The following RARB variants were observed in gnomAD, a reference collection of about 807,000 sequenced individuals.
The protein encoded by RARB is HBV-activated protein.
Under a neutral mutation model 51.9 loss-of-function variants are expected in RARB, and 17 were observed. The observed-to-expected ratio is 0.33, with a 90% CI of 0.22 to 0.49. RARB has a LOEUF of 0.49. Ranked by LOEUF, RARB falls within the 20% of genes least tolerant of loss-of-function variation. The pLI is 0.99. For missense variants in RARB, 369 were observed against 550.8 expected, an observed-to-expected ratio of 0.67 and a Z score of 3.30; for synonymous variants, 215 against 195.4, an observed-to-expected ratio of 1.10 and a Z score of -0.84.
intron 2 of RARB, among the ~76,000 whole-genome samples, chr3:24,873,055 T>C (rs1702976809): frequency 1.3e-5 from 2 of 152,226 alleles, no homozygotes; most frequent in South Asian, 2.1e-4. Context: ...AAAGCAGTTA[T>C]AGCACAGACA....
chr3:24,852,548 C>G (rs1389964931), intron 1 of RARB, among the ~76,000 whole-genome samples: 1 of 152,014 alleles, frequency 6.6e-6, no homozygotes, highest in Admixed American at 6.5e-5. Flanking sequence ...CACATAAAGG[C>G]TTGTACATAA....
chr3:24,905,279 T>C (rs1008113548), intron 2 of RARB, among the ~76,000 whole-genome samples: 1 of 152,196 alleles, frequency 6.6e-6, no homozygotes, highest in Non-Finnish European at 1.5e-5. Flanking sequence ...TCAAATGTGA[T>C]GACAGTAATA....
rs75952395 is a variant in RARB at position 24,964,330 on chromosome 3, A to G, written c.-379-95795A>G. ...TTAAATAGGAATCTGTTCATTGCTA[A>G]CCCTCATTAAGAGAGAAATATCCTC... is the stretch of plus-strand genomic sequence containing the variant. On this transcript the variant is annotated intron_variant, in intron 2 of 11. Coordinates refer to the RARB transcript ENST00000383772. 1.4e-3 allele frequency among the ~76,000 whole-genome samples: 209 copies of G among 152,250 alleles called. 8 individuals carry two copies. In the East Asian group the frequency reaches 0.036, roughly 26 times the overall value.
intron 1 of RARB, among the ~76,000 whole-genome samples, chr3:24,855,968 T>A (rs2125338677): frequency 6.6e-6 from 1 of 152,170 alleles, no homozygotes; most frequent in African/African-American, 2.4e-5. Context: ...GCCAGGATGG[T>A]CTCAATCTCC....
chr3:25,396,624 C>T (rs1218877437), intron 5 of RARB, among the ~76,000 whole-genome samples: 3 of 152,086 alleles, frequency 2.0e-5, no homozygotes, highest in Non-Finnish European at 4.4e-5. Context: ...TCGTCTTCAG[C>T]TACCAGGGCA....
intron 5 of RARB, among the ~76,000 whole-genome samples, chr3:25,359,714 G>A (rs956110643): frequency 1.3e-5 from 2 of 152,098 alleles, no homozygotes; most frequent in Admixed American, 1.3e-4. Context: ...ATTTATTTCT[G>A]CCTCAATTTT....
chr3:25,503,486 G>A (rs1436155326), intron 3 of RARB, among the ~76,000 whole-genome samples: 2 of 152,134 alleles, frequency 1.3e-5, no homozygotes, highest in Non-Finnish European at 2.9e-5. Flanking sequence ...ATATCCTGCT[G>A]CTCTGTAAAA....
At chr3:25,045,535 GT>G (rs779945440) in intron 2 of RARB, among the ~76,000 whole-genome samples, 5 of 152,196 alleles carry the variant, frequency 3.3e-5, no homozygotes, top group Non-Finnish European at 5.9e-5. Context: ...CTCTGTTTGT[GT>G]TCAACTGTCA....
intron 1 of RARB, among the ~76,000 whole-genome samples, chr3:25,436,689 A>G (rs1028419087): frequency 1.3e-5 from 2 of 152,208 alleles, no homozygotes; most frequent in Non-Finnish European, 2.9e-5. Flanking sequence ...TAGTTCAGGC[A>G]GAAGTTGTGA....
At chr3:25,387,670 G>T (rs533968024) in intron 5 of RARB, among the ~76,000 whole-genome samples, 2 of 151,338 alleles carry the variant, frequency 1.3e-5, no homozygotes, top group African/African-American at 2.5e-5. Flanking sequence ...GTGTAAAGTG[G>T]CTCACCATCA....
chr3:25,149,407 G>C (rs1378164431), intron 4 of RARB, among the ~76,000 whole-genome samples: 1 of 152,168 alleles, frequency 6.6e-6, no homozygotes, highest in African/African-American at 2.4e-5. Context: ...ATAATAAAGA[G>C]CATATATGCT....
intron 5 of RARB, among the ~76,000 whole-genome samples, chr3:25,186,436 T>C (rs1232170248): frequency 6.6e-6 from 1 of 152,126 alleles, no homozygotes; most frequent in Non-Finnish European, 1.5e-5. Context: ...CAAACAATTT[T>C]ACCTCTATGT....
intron 5 of RARB, among the ~76,000 whole-genome samples, chr3:25,239,742 C>G (rs2125395231): frequency 6.6e-6 from 1 of 152,202 alleles, no homozygotes; most frequent in East Asian, 1.9e-4. Flanking sequence ...TGTGATGCCT[C>G]CCGCTTTGTT....
At chr3:25,145,418 CAT>C (rs1225601966) in intron 4 of RARB, among the ~76,000 whole-genome samples, 4 of 152,088 alleles carry the variant, frequency 2.6e-5, no homozygotes, top group Non-Finnish European at 5.9e-5. Context: ...AGGAAGTGAT[CAT>C]AATGCCACAT....
rs200061172 is a variant in RARB at position 24,939,472 on chromosome 3, CT to C, written c.-380+80722del. Among the ~76,000 whole-genome samples, 66 of 152,254 alleles carry C rather than the reference CT, an allele frequency of 4.3e-4. No individual in the cohort carries two copies. In the East Asian group the frequency reaches 0.01, roughly 24 times the overall value. On this transcript the variant is annotated intron_variant, in intron 2 of 11. Transcript: ENST00000383772. ...TAAATCTAGGTACAGTACTTATTCT[CT>C]TGTATATTACAATAAAGCCAGGCTC...
At chr3:25,251,006 T>G (rs1702704109) in intron 5 of RARB, among the ~76,000 whole-genome samples, 1 of 152,166 alleles carries the variant, frequency 6.6e-6, no homozygotes, top group Non-Finnish European at 1.5e-5. Context: ...TTTCATTGCC[T>G]TAGGTGTTTC....
At chr3:24,956,743 A>C (rs1378045641) in intron 2 of RARB, among the ~76,000 whole-genome samples, 1 of 152,206 alleles carries the variant, frequency 6.6e-6, no homozygotes, top group Non-Finnish European at 1.5e-5. Flanking sequence ...GTAGTGACTG[A>C]TCATGGTCAT....
intron 1 of RARB, among the ~76,000 whole-genome samples, chr3:24,834,873 C>A (rs937445109): frequency 6.6e-6 from 1 of 152,142 alleles, no homozygotes; most frequent in Non-Finnish European, 1.5e-5. Context: ...GCTGTAGAAC[C>A]AGTCTCATAG....
chr3:25,506,276 A>C (rs1296110), intron 3 of RARB, among the ~76,000 whole-genome samples: 18,128 of 123,220 alleles, frequency 0.15, 925 homozygotes, highest in East Asian at 0.24. Flanking sequence ...AAAAAAAAAA[A>C]CCAGCTCTTT....
Sources: gnomAD v4.1 joint callset for allele counts (sites outside exome capture counted in the v4.1 genomes callset) on GRCh38, gnomAD v4.1.1 for gene constraint, MANE v1.5 for transcripts, NCBI Gene and HGNC (gene_info 2026-07-23, HGNC 2026-07-21) for gene names.